ATF1: variants seen among roughly 807,000 people sequenced by gnomAD.
ATF1 encodes cyclic AMP-dependent transcription factor ATF-1.
In ATF1, 16 loss-of-function variants were observed where a neutral mutation model predicts 34.7. That is an observed-to-expected ratio of 0.46 (90% CI 0.31 to 0.70). The LOEUF (loss-of-function observed/expected upper bound fraction) is 0.70. Among genes scored for constraint, ATF1 ranks in the 30% least tolerant of loss-of-function variants. The probability of loss-of-function intolerance (pLI) is 0.05; values close to 1 mark genes in which losing one functional copy is unlikely to be tolerated. For missense variants in ATF1, 255 were observed against 321.6 expected (o/e 0.79, Z 1.58); for synonymous variants, 105 against 113.1 (o/e 0.93, Z 0.46).
At chr12:50,779,958 T>TAAG (rs1941018356) in intron 1 of ATF1, among the ~76,000 whole-genome samples, 182 bp from the exon 2 acceptor site, 1 of 152,156 alleles carries the variant, frequency 6.6e-6, no homozygotes, top group Non-Finnish European at 1.5e-5. Flanking sequence ...TTAAACATGT[T>TAAG]TTTGTGGGCC....
At chr12:50,779,011 A>G (rs1440191654) in intron 1 of ATF1, among the ~76,000 whole-genome samples, 1 of 152,178 alleles carries the variant, frequency 6.6e-6, no homozygotes, top group Non-Finnish European at 1.5e-5. Context: ...GTGGAATCAT[A>G]AAGTTTTTGT....
intron 2 of ATF1, among the ~76,000 whole-genome samples, chr12:50,790,568 T>C (rs547169860): frequency 1.3e-5 from 2 of 152,210 alleles, no homozygotes; most frequent in African/African-American, 4.8e-5. Flanking sequence ...GCTGGACATA[T>C]GTTAAAGGCA....
At position 50,773,444 on chromosome 12, in the gene ATF1, C is replaced by CTTTTTT. The variant is rs71086476; in HGVS notation, c.-6-6679_-6-6674dup. ...AACTGTTGACTTTTTAATTGCCATT[C>CTTTTTT]TTTTTTTTTTTTTTTTTTTTTTCGA... is the stretch of plus-strand genomic sequence containing the variant. On this transcript the variant is annotated intron_variant, in intron 1 of 6. Coordinates refer to ENST00000262053, the MANE Select transcript of ATF1 (RefSeq NM_005171.5). Among the ~76,000 whole-genome samples the CTTTTTT allele has an allele frequency of 5.4e-3, 484 of 89,324 alleles. 5 individuals carry two copies. Among genetic ancestry groups the CTTTTTT allele is most frequent in the Middle Eastern group, 0.016 (1 of 64 alleles). The allele number at this position is 89,324 out of a possible 152,430, so 58.6% of individuals were successfully genotyped here. A position where few individuals can be genotyped will look rare whatever the true frequency, so the allele number is the denominator to read the frequency against.
chr12:50,771,257 C>T (rs1378702583), intron 1 of ATF1, among the ~76,000 whole-genome samples: 1 of 152,140 alleles, frequency 6.6e-6, no homozygotes, highest in Non-Finnish European at 1.5e-5. Context: ...CCACCTGCCT[C>T]GGCCTCCCAA....
intron 3 of ATF1, among the ~76,000 whole-genome samples, chr12:50,802,872 A>AAG (rs1941540481): frequency 1.2e-4 from 1 of 8,302 alleles, no homozygotes. Flanking sequence ...ACTCCATCTC[A>AAG]AAAAAAAAAA....
At chr12:50,777,294 AAG>A (rs2139645997) in intron 1 of ATF1, among the ~76,000 whole-genome samples, 1 of 152,326 alleles carries the variant, frequency 6.6e-6, no homozygotes, top group Admixed American at 6.5e-5. Flanking sequence ...AGAAGACTAA[AAG>A]AAATTAGACA....
chr12:50,766,063 G>T (rs1409989241), intron 1 of ATF1, among the ~76,000 whole-genome samples: 1 of 152,116 alleles, frequency 6.6e-6, no homozygotes, highest in African/African-American at 2.4e-5. Context: ...TTGGGGCCTG[G>T]ATCAGGACGC....
At position 50,809,642 on chromosome 12, in the gene ATF1, T is replaced by C. The variant is rs1434716866; in HGVS notation, c.328+53T>C. 14 of 1,519,592 alleles carry C rather than the reference T, an allele frequency of 9.2e-6. No individual in the cohort carries two copies. The Admixed American group carries it at 2.7e-4, about 30-fold the overall frequency. 94.1% of individuals were successfully genotyped at this position (1,519,592 alleles called of 1,614,324 possible). On this transcript the variant is annotated intron_variant, in intron 4 of 6. Coordinates refer to ENST00000262053, the MANE Select transcript of ATF1 (RefSeq NM_005171.5). ...ATAAACACACAAAACCTGACTTTTC[T>C]GTAGAAAGAAATGGTGTTAGGAAAA...
intron 4 of ATF1, among the ~76,000 whole-genome samples, chr12:50,813,285 T>G (rs1051877395): frequency 3.3e-5 from 5 of 152,172 alleles, no homozygotes; most frequent in African/African-American, 1.2e-4. Context: ...AACTATCACT[T>G]AAGTAAATAT....
rs184951419 is a variant in ATF1 at position 50,819,961 on chromosome 12, G to C, written c.*182G>C. 1.2e-5 allele frequency: 6 copies of C among 491,616 alleles called. No individual in the cohort carries two copies. Among genetic ancestry groups the C allele is most frequent in the Non-Finnish European group, 2.1e-5 (6 of 285,726 alleles). The allele number at this position is 491,616 out of a possible 1,614,324, so 30.5% of individuals were successfully genotyped here. On this transcript the variant is annotated 3_prime_UTR_variant, in exon 7 of 7. Coordinates refer to ENST00000262053, the MANE Select transcript of ATF1 (RefSeq NM_005171.5). ...GAAAGTGGAAAATGACCTCAAGGAA[G>C]CTACGGGCACAACTGGAAGCTTTGT... is the stretch of plus-strand genomic sequence containing the variant.
intron 6 of ATF1, among the ~76,000 whole-genome samples, chr12:50,815,803 G>A (rs1243776426): frequency 1.3e-5 from 2 of 152,074 alleles, no homozygotes; most frequent in African/African-American, 4.8e-5. Flanking sequence ...ATATCAGAGG[G>A]ATACCTGTAC....
At chr12:50,789,916 G>A (rs1015718045) in intron 2 of ATF1, among the ~76,000 whole-genome samples, 1 of 152,138 alleles carries the variant, frequency 6.6e-6, no homozygotes, top group African/African-American at 2.4e-5. Context: ...TAGACGAACC[G>A]TAGTAATAAG....
At chr12:50,818,311 C>G (rs1941883409) in intron 6 of ATF1, among the ~76,000 whole-genome samples, 1 of 151,982 alleles carries the variant, frequency 6.6e-6, no homozygotes, top group Non-Finnish European at 1.5e-5. Flanking sequence ...ACTTGAGAGG[C>G]TGAAGTGGGG....
intron 2 of ATF1, among the ~76,000 whole-genome samples, chr12:50,782,881 G>T (rs1046537720): frequency 2.0e-4 from 31 of 151,400 alleles, no homozygotes; most frequent in Admixed American, 1.4e-3. Context: ...GTAGAGGTGG[G>T]GTTTCACCAT....
chr12:50,786,910 T>C (rs1254862576), intron 2 of ATF1, among the ~76,000 whole-genome samples: 1 of 152,074 alleles, frequency 6.6e-6, no homozygotes, highest in African/African-American at 2.4e-5. Context: ...GATGCAGAGA[T>C]GAAGCCTAAG....
chr12:50,812,807 A>T (rs1423152689), intron 4 of ATF1, among the ~76,000 whole-genome samples: 1 of 152,136 alleles, frequency 6.6e-6, no homozygotes, highest in African/African-American at 2.4e-5. Context: ...CCTGGGTGAC[A>T]AGTGAGACCC....
intron 2 of ATF1, among the ~76,000 whole-genome samples, chr12:50,793,787 A>C (rs1024208886): frequency 3.3e-5 from 5 of 152,140 alleles, no homozygotes; most frequent in Non-Finnish European, 7.4e-5. Context: ...GAGTAGTTAT[A>C]TACTAGAACT....
At chr12:50,773,621 T>C (rs1192086391) in intron 1 of ATF1, among the ~76,000 whole-genome samples, 1 of 151,560 alleles carries the variant, frequency 6.6e-6, no homozygotes, top group African/African-American at 2.4e-5. Flanking sequence ...TGAGTCTTGC[T>C]CTCTTGCCCA....
rs1941940297 is a variant in ATF1 at position 50,821,087 on chromosome 12, A to ATTGT, written c.*1310_*1313dup. The ATTGT allele has an allele frequency of 5.6e-6, 1 of 178,720 alleles. No individual in the cohort carries two copies. Among genetic ancestry groups the ATTGT allele is most frequent in the African/African-American group, 2.4e-5 (1 of 42,314 alleles). The allele number at this position is 178,720 out of a possible 1,614,324, so 11.1% of individuals were successfully genotyped here. On this transcript the variant is annotated 3_prime_UTR_variant, in exon 7 of 7. Coordinates refer to ENST00000262053, the MANE Select transcript of ATF1 (RefSeq NM_005171.5). Reference sequence around the variant, plus strand: ...TGTGCTCTTACACAGTATGCATCATATTGTTGTCTGTGAAATTAAAGGACA... The same window carrying ATTGT: ...TGTGCTCTTACACAGTATGCATCATATTGTTTGTTGTCTGTGAAATTAAAGGACA...
Sources: gnomAD v4.1 joint callset for allele counts (sites outside exome capture counted in the v4.1 genomes callset) on GRCh38, gnomAD v4.1.1 for gene constraint, MANE v1.5 for transcripts, NCBI Gene and HGNC (gene_info 2026-07-23, HGNC 2026-07-21) for gene names.